The following BANP variants were observed in gnomAD, a reference collection of about 807,000 sequenced individuals.
BANP encodes the protein protein BANP.
In BANP, 11 loss-of-function variants were observed where a neutral mutation model predicts 68.1. The observed-to-expected ratio is 0.16, with a 90% confidence interval of 0.10 to 0.27. BANP has a LOEUF of 0.27. Ranked by LOEUF, BANP falls within the 10% of genes least tolerant of loss-of-function variation. The pLI, the probability that BANP is intolerant of heterozygous loss-of-function variation, is 1.00. For missense variants in BANP, 504 were observed against 722.7 expected, an observed-to-expected ratio of 0.70 and a Z score of 3.47; for synonymous variants, 329 against 303.2, an observed-to-expected ratio of 1.09 and a Z score of -0.88.
chr16:88,008,859 G>C (rs966738980), intron 6 of BANP, among the ~76,000 whole-genome samples: 3 of 152,166 alleles, frequency 2.0e-5, no homozygotes, highest in Admixed American at 2.0e-4. Flanking sequence ...TATTTTGAAG[G>C]AGAGGTCATC....
At chr16:88,049,985 A>G (rs1397762549) in intron 11 of BANP, among the ~76,000 whole-genome samples, 1 of 152,222 alleles carries the variant, frequency 6.6e-6, no homozygotes, top group Non-Finnish European at 1.5e-5. Context: ...ATATTCTTCC[A>G]ATTAAGAACC....
At chr16:87,974,848 G>A (rs1407655832) in intron 1 of BANP, among the ~76,000 whole-genome samples, 200 bp from the exon 2 acceptor site, 1 of 152,170 alleles carries the variant, frequency 6.6e-6, no homozygotes, top group Non-Finnish European at 1.5e-5. Context: ...AAGGAAAGAG[G>A]CAGCGGGTGG....
At chr16:87,969,820 C>T (rs1287679313) in intron 1 of BANP, among the ~76,000 whole-genome samples, 3 of 152,108 alleles carry the variant, frequency 2.0e-5, no homozygotes, top group African/African-American at 7.2e-5. Context: ...CATGAGCCAC[C>T]ACGCCTGGCC....
At chr16:87,951,412 G>T (rs2056810096), upstream of BANP, 1 of 151,772 alleles carries the variant, frequency 6.6e-6, no homozygotes, top group African/African-American at 2.4e-5. Flanking sequence ...GCGTCGCGGG[G>T]AGGGGCTCGC....
intron 11 of BANP, among the ~76,000 whole-genome samples, chr16:88,050,653 G>C (rs1015950941): frequency 1.3e-5 from 2 of 152,072 alleles, no homozygotes. Context: ...CCCATCATTT[G>C]GATAAGTGTG....
chr16:87,949,950 T>C (rs1386016171), upstream of BANP, among the ~76,000 whole-genome samples: 2 of 150,650 alleles, frequency 1.3e-5, no homozygotes, highest in African/African-American at 4.9e-5. Context: ...CCATCTCGGC[T>C]CACTGCAAGC....
At chr16:88,001,806 C>T (rs922045937) in intron 4 of BANP, among the ~76,000 whole-genome samples, 15 of 151,778 alleles carry the variant, frequency 9.9e-5, no homozygotes, top group African/African-American at 3.6e-4. Flanking sequence ...ATTTCCCTCA[C>T]AAAATTTTAT....
rs79015098 is a variant in BANP, at chr16:88,064,879, G to C, written c.1312-388G>C. On this transcript the variant is annotated intron_variant, in intron 11 of 13. Transcript: ENST00000682872. The surrounding 1 kb of genome is among the most constrained non-coding windows in gnomAD (Gnocchi z 4.5). ...GGCCCTGGGAGGTGGCTAGAGCCCA[G>C]TGGCCTCCAGGGGAACACGAGTCAT... is the stretch of plus-strand genomic sequence containing the variant. Among the ~76,000 whole-genome samples the C allele has an allele frequency of 6.6e-6, 1 of 152,232 alleles. No homozygotes were observed. Among genetic ancestry groups the C allele is most frequent in the African/African-American group, 2.4e-5 (1 of 41,472 alleles).
At chr16:87,960,588 A>T (rs1056152068) in intron 1 of BANP, among the ~76,000 whole-genome samples, 9 of 152,238 alleles carry the variant, frequency 5.9e-5, no homozygotes, top group African/African-American at 1.7e-4. Context: ...GTTGCTAACA[A>T]GACGCATGAC....
Position 88,037,888 on chromosome 16 carries a change from T to C in BANP, c.1273-85T>C. On this transcript the variant is annotated intron_variant, in intron 10 of 13. Transcript: ENST00000682872. ...TTTCTTGTTATTCTCAAGTGGCCTG[T>C]GATGTGTCTTGGCGTGTTTGCCGTG... 3 of 1,347,762 alleles carry C rather than the reference T, an allele frequency of 2.2e-6. No individual in the cohort carries two copies. In the South Asian group the frequency reaches 3.5e-5, roughly 16 times the overall value. 83.5% of individuals were successfully genotyped at this position (1,347,762 alleles called of 1,614,324 possible).
At position 88,004,425 on chromosome 16, in the gene BANP, C is replaced by T. The variant is rs1198538799; in HGVS notation, c.479+14C>T. The T allele has an allele frequency of 8.8e-6, 12 of 1,356,910 alleles. No individual in the cohort carries two copies. Among genetic ancestry groups the T allele is most frequent in the Middle Eastern group, 1.8e-4 (1 of 5,524 alleles). 84.1% of individuals were successfully genotyped at this position (1,356,910 alleles called of 1,614,324 possible). ...TGTCATTAGCAAGTCAGTAGCACGG[C>T]ACCAACCCCACCTTTCCCTGCCACT... On this transcript the variant is annotated intron_variant, in intron 5 of 13. Coordinates refer to ENST00000682872, the MANE Select transcript of BANP (RefSeq NM_001386991.1). The surrounding 1 kb of genome is among the most constrained non-coding windows in gnomAD (Gnocchi z 7.0).
Position 88,025,443 on chromosome 16 carries a change from C to T in BANP, c.896-2040C>T, listed in dbSNP as rs186431505. On this transcript the variant is annotated intron_variant, in intron 7 of 13. Transcript: ENST00000682872. ...GACTTGGAGTATTTTAGAGATGACC[C>T]GAAAATTGGAAGCCAAAGGGCGGCT... Among the ~76,000 whole-genome samples the T allele has an allele frequency of 6.4e-3, 981 of 152,248 alleles. 5 individuals carry two copies. The highest frequency in any genetic ancestry group is 0.01 in the Non-Finnish European group (696 of 68,026).
intron 7 of BANP, among the ~76,000 whole-genome samples, chr16:88,019,237 G>A (rs1469384382): frequency 6.6e-6 from 1 of 152,176 alleles, no homozygotes; most frequent in African/African-American, 2.4e-5. Flanking sequence ...TGGCGATTGC[G>A]GTACTGCCCT....
chr16:88,014,771 C>T (rs2074075571), intron 6 of BANP, among the ~76,000 whole-genome samples: 1 of 152,050 alleles, frequency 6.6e-6, no homozygotes, highest in South Asian at 2.1e-4. Flanking sequence ...GCTGCCCTTC[C>T]TGCTGCCTGC....
At chr16:88,041,445 TGAGA>T (rs1029944367) in intron 11 of BANP, among the ~76,000 whole-genome samples, 3 of 152,180 alleles carry the variant, frequency 2.0e-5, no homozygotes, top group Non-Finnish European at 4.4e-5. Context: ...AATTAAATAT[TGAGA>T]GATTCTAGTC....
intron 1 of BANP, among the ~76,000 whole-genome samples, chr16:87,972,946 G>C (rs1434354310): frequency 1.3e-5 from 2 of 152,048 alleles, no homozygotes; most frequent in Non-Finnish European, 2.9e-5. Context: ...TGCAGCTGCT[G>C]CTCTCGGCCT....
At chr16:88,001,365 G>T (rs2069278385) in intron 4 of BANP, among the ~76,000 whole-genome samples, 1 of 151,792 alleles carries the variant, frequency 6.6e-6, no homozygotes, top group Non-Finnish European at 1.5e-5. Context: ...CACGTGCGTG[G>T]CTGGACTTAC....
At chr16:87,994,378 G>A (rs112387010) in intron 4 of BANP, among the ~76,000 whole-genome samples, 1 of 152,358 alleles carries the variant, frequency 6.6e-6, no homozygotes, top group Admixed American at 6.5e-5. Flanking sequence ...CACAAGCATG[G>A]CTCCTTGGGG....
At chr16:88,059,207 T>G (rs1232924088) in intron 11 of BANP, among the ~76,000 whole-genome samples, 1 of 96,750 alleles carries the variant, frequency 1.0e-5, no homozygotes, top group East Asian at 3.4e-4. Context: ...TTGAGGAGAG[T>G]AGGGATGCTC....
Sources: allele counts gnomAD v4.1 joint callset (sites outside exome capture counted in the v4.1 genomes callset), GRCh38; gene constraint gnomAD v4.1.1; non-coding constraint Gnocchi (gnomAD v3.1); transcripts MANE v1.5; gene names NCBI Gene and HGNC (gene_info 2026-07-23, HGNC 2026-07-21).